Variants in UNC13C observed in about 807,000 individuals in gnomAD.
The protein encoded by UNC13C is unc-13 homolog C.
A neutral mutation model predicts 245.4 loss-of-function variants in UNC13C; 174 were observed. That is an observed-to-expected ratio of 0.71 (90% CI 0.63 to 0.80). The LOEUF (loss-of-function observed/expected upper bound fraction) is 0.80, where lower values mean the gene tolerates loss of function less well. UNC13C is among the 30% of genes least tolerant of loss of function. The probability of loss-of-function intolerance (pLI) is 0.00; values close to 1 mark genes in which losing one functional copy is unlikely to be tolerated. For synonymous variants in UNC13C, 992 were observed against 895.1 expected (o/e 1.11, Z -1.93); for missense variants, 2,829 against 2,602.9 (o/e 1.09, Z -1.89).
chr15:54,152,620 C>T (rs942804237), intron 4 of UNC13C, among the ~76,000 whole-genome samples: 2 of 152,062 alleles, frequency 1.3e-5, no homozygotes, highest in East Asian at 1.9e-4. Context: ...GTGTTTGAGT[C>T]GTCAGTCTTA....
intron 12 of UNC13C, among the ~76,000 whole-genome samples, 163 bp from the exon 13 acceptor site, chr15:54,300,047 G>A (rs2037534891): frequency 6.6e-6 from 1 of 152,142 alleles, no homozygotes; most frequent in South Asian, 2.1e-4. Context: ...CATAAAAGAT[G>A]AATTGAGTTA....
At chr15:54,566,274 G>A (rs113167873) in intron 29 of UNC13C, among the ~76,000 whole-genome samples, 39 of 152,100 alleles carry the variant, frequency 2.6e-4, no homozygotes, top group African/African-American at 9.4e-4. Context: ...CTTAAATACT[G>A]TGTTTCTCAA....
At chr15:54,193,539 CT>C (rs2034256802) in intron 4 of UNC13C, among the ~76,000 whole-genome samples, 1 of 152,144 alleles carries the variant, frequency 6.6e-6, no homozygotes, top group Non-Finnish European at 1.5e-5. Flanking sequence ...CTCCGATCAG[CT>C]TTTCAATGTT....
At chr15:54,463,847 G>T (rs1293704082) in intron 19 of UNC13C, among the ~76,000 whole-genome samples, 1 of 152,166 alleles carries the variant, frequency 6.6e-6, no homozygotes, top group African/African-American at 2.4e-5. Context: ...GAATGCCATT[G>T]TTGGTAATGA....
chr15:54,208,913 G>A lies in UNC13C; in HGVS notation c.3072-26117G>A, dbSNP rs536192867. On this transcript the variant is annotated intron_variant, in intron 4 of 32. Coordinates refer to ENST00000260323, the MANE Select transcript of UNC13C (RefSeq NM_001080534.3). ...GTCAACACAGGCAAGCCAAAATGAC[G>A]CAAGAACCCTTCCTCTGTGTGACGC... Among the ~76,000 whole-genome samples the A allele has an allele frequency of 1.6e-4, 24 of 152,160 alleles. No individual in the cohort carries two copies. In the South Asian group the frequency reaches 4.1e-3, roughly 26 times the overall value.
intron 28 of UNC13C, among the ~76,000 whole-genome samples, chr15:54,550,177 T>C (rs1896676931): frequency 6.6e-6 from 1 of 152,180 alleles, no homozygotes; most frequent in Non-Finnish European, 1.5e-5. Flanking sequence ...CTTGACTGGC[T>C]AAAATACATG....
intron 18 of UNC13C, 66 bp downstream of exon 18, chr15:54,393,247 A>T: frequency 7.4e-7 from 1 of 1,359,266 alleles, no homozygotes; most frequent in Non-Finnish European, 9.7e-7. Context: ...ACATATTTTA[A>T]GCGCAACATA....
At chr15:53,977,796 A>T (rs1363403754), upstream of UNC13C, among the ~76,000 whole-genome samples, 3 of 152,224 alleles carry the variant, frequency 2.0e-5, no homozygotes, top group Non-Finnish European at 4.4e-5. Context: ...TCCCAGCCAG[A>T]TCTTTAAAAT....
chr15:54,358,452 A>T (rs1241697711), intron 17 of UNC13C, among the ~76,000 whole-genome samples: 1 of 152,112 alleles, frequency 6.6e-6, no homozygotes, highest in Non-Finnish European at 1.5e-5. Context: ...TGGACACAAG[A>T]CACAAAATGT....
the UNC13C span, among the ~76,000 whole-genome samples, chr15:53,897,577 G>A: frequency 1.3e-5 from 2 of 152,232 alleles, no homozygotes; most frequent in African/African-American, 2.4e-5. Flanking sequence ...ATGGAACCTG[G>A]CTATACATAC....
At position 54,438,124 on chromosome 15, in the gene UNC13C, G is replaced by GA. The variant is rs141842304; in HGVS notation, c.4933+23065dup. 7.9e-3 allele frequency among the ~76,000 whole-genome samples: 1,196 copies of GA among 151,572 alleles called. 8 individuals carry two copies. Among genetic ancestry groups the GA allele is most frequent in the African/African-American group, 0.027 (1,127 of 41,388 alleles). Reference sequence around the variant, plus strand: ...AGGAAAGCCTATAGACTCATCTATAGAAAAAAAAGGACACATGTCTGGAAC... The same window carrying GA: ...AGGAAAGCCTATAGACTCATCTATAGAAAAAAAAAGGACACATGTCTGGAAC... On this transcript the variant is annotated intron_variant, in intron 19 of 32. Transcript: ENST00000260323.
At chr15:54,335,121 G>GA (rs2038539289) in intron 16 of UNC13C, among the ~76,000 whole-genome samples, 1 of 152,052 alleles carries the variant, frequency 6.6e-6, no homozygotes, top group Non-Finnish European at 1.5e-5. Context: ...TGTTTTCTTA[G>GA]AAAATGTGGT....
chr15:54,572,506 G>T (rs912204055), intron 30 of UNC13C, among the ~76,000 whole-genome samples: 5 of 150,236 alleles, frequency 3.3e-5, no homozygotes, highest in Non-Finnish European at 5.9e-5. Flanking sequence ...GCTCACTGCG[G>T]CCTCTGCCTC....
chr15:54,194,423 G>A (rs2034286449), intron 4 of UNC13C, among the ~76,000 whole-genome samples: 1 of 151,978 alleles, frequency 6.6e-6, no homozygotes, highest in African/African-American at 2.4e-5. Flanking sequence ...GACATTATTT[G>A]TGGCAAGGAC....
chr15:54,144,967 T>C (rs970048111), intron 4 of UNC13C, among the ~76,000 whole-genome samples: 1 of 151,960 alleles, frequency 6.6e-6, no homozygotes, highest in African/African-American at 2.4e-5. Flanking sequence ...AGATTTTTGT[T>C]TTAAAACCAA....
At chr15:54,027,173 AAAAAAAAAG>A (rs1433446795) in intron 2 of UNC13C, among the ~76,000 whole-genome samples, 2 of 109,794 alleles carry the variant, frequency 1.8e-5, no homozygotes, top group Non-Finnish European at 4.5e-5. Flanking sequence ...AGGAATTGAG[AAAAAAAAAG>A]AAAAAAAAAA....
intron 2 of UNC13C, among the ~76,000 whole-genome samples, chr15:54,123,150 G>C (rs2030793357): frequency 6.6e-6 from 1 of 151,746 alleles, no homozygotes; most frequent in Non-Finnish European, 1.5e-5. Context: ...TAAAGTATTT[G>C]TCATGGTATC....
chr15:54,560,224 A>T (rs553814205), intron 29 of UNC13C, among the ~76,000 whole-genome samples: 16 of 151,970 alleles, frequency 1.1e-4, no homozygotes, highest in Non-Finnish European at 2.4e-4. Context: ...CCAAAATAGT[A>T]TATTTAACAA....
At chr15:53,856,927 G>A in the UNC13C span, among the ~76,000 whole-genome samples, 6 of 152,076 alleles carry the variant, frequency 3.9e-5, no homozygotes, top group Non-Finnish European at 8.8e-5. Flanking sequence ...CTCTTTGTAA[G>A]TCTCTAAAAA....
Sources: allele counts gnomAD v4.1 joint callset (sites outside exome capture counted in the v4.1 genomes callset), GRCh38; gene constraint gnomAD v4.1.1; transcripts MANE v1.5; gene names NCBI Gene and HGNC (gene_info 2026-07-23, HGNC 2026-07-21).